Variants in SEMA3F observed in about 807,000 individuals in gnomAD.
The protein encoded by SEMA3F is semaphorin-3F.
In SEMA3F, 30 loss-of-function variants were observed where a neutral mutation model predicts 98.5. The observed-to-expected ratio is 0.30, with a 90% confidence interval of 0.23 to 0.41. The LOEUF (loss-of-function observed/expected upper bound fraction) is 0.41. Ranked by LOEUF, SEMA3F falls within the 10% of genes least tolerant of loss-of-function variation. The probability of loss-of-function intolerance (pLI) is 1.00; values close to 1 mark genes in which losing one functional copy is unlikely to be tolerated. For synonymous variants in SEMA3F, 380 were observed against 444.8 expected (o/e 0.85, Z 1.83); for missense variants, 866 against 1,119.3 (o/e 0.77, Z 3.23).
chr3:50,161,419 TG>T (rs1698202260), intron 2 of SEMA3F, among the ~76,000 whole-genome samples: 1 of 152,204 alleles, frequency 6.6e-6, no homozygotes, highest in South Asian at 2.1e-4. Flanking sequence ...GTCCTGGCCT[TG>T]CCGGCGCCCA....
rs372379422 is a variant in SEMA3F, at chr3:50,173,781, C to G, written c.113-12C>G. ...TGAAGGTCCTAATTGGTGCCCTGCC[C>G]TCCACCCACAGAGCTGAAGGCCACA... On this transcript the variant is annotated splice_polypyrimidine_tract_variant and intron_variant, in intron 2 of 18. Coordinates refer to ENST00000002829, the MANE Select transcript of SEMA3F (RefSeq NM_004186.5). The G allele has an allele frequency of 1.2e-6, 2 of 1,613,352 alleles. No homozygotes were observed. The highest frequency in any genetic ancestry group is 2.7e-5 in the African/African-American group (2 of 74,912).
Position 50,184,670 on chromosome 3 carries a change from C to T in SEMA3F, c.1312C>T (p.His438Tyr). The change falls in exon 13 of 19, where the codon CAC becomes TAC. Residue 438 changes from histidine (H) to tyrosine (Y), a missense_variant. This residue lies in a region of SEMA3F where 374 missense variants were observed against 582.8 expected (regional missense o/e 0.64). Transcript: ENST00000002829. The part of the protein sequence containing the change: ...PDEVINFMRS[H>Y]PLMYQAVYPL... ...TGAGGTGATCAACTTCATGCGCAGC[C>T]ACCCACTCATGTACCAGGCCGTGTA... is the stretch of plus-strand genomic sequence containing the variant. 6.2e-7 allele frequency: 1 copy of T among 1,614,156 alleles called. No individual in the cohort carries two copies. Among genetic ancestry groups the T allele is most frequent in the Non-Finnish European group, 8.5e-7 (1 of 1,179,988 alleles).
intron 2 of SEMA3F, among the ~76,000 whole-genome samples, chr3:50,163,674 C>T (rs1698299464): frequency 6.6e-6 from 1 of 152,144 alleles, no homozygotes; most frequent in Admixed American, 6.5e-5. Context: ...CATGCTCTTG[C>T]CCCCCAGGGG....
rs939351843 is a variant in SEMA3F, at chr3:50,174,344, C to T, written c.450C>T (p.Arg150=). Residue 150 remains arginine (R), a synonymous_variant, in exon 5 of 19, where the codon CGC becomes CGT. Transcript: ENST00000002829. ...PMCTYVNRGR[R]AQATPWTQTQ... is the part of the protein sequence containing the mutation. ...GCACCTATGTGAACCGCGGACGCCG[C>T]GCCCAGGTAAGCCCCAGCCACCCTG... 20 of 1,611,364 alleles carry T rather than the reference C, an allele frequency of 1.2e-5. No homozygotes were observed. Among genetic ancestry groups the T allele is most frequent in the African/African-American group, 2.7e-5 (2 of 74,922 alleles).
intron 6 of SEMA3F, among the ~76,000 whole-genome samples, chr3:50,176,320 C>T (rs1698806556): frequency 6.6e-6 from 1 of 152,180 alleles, no homozygotes; most frequent in Non-Finnish European, 1.5e-5. Flanking sequence ...GACAGGACCC[C>T]AGGCCCTTAA....
intron 6 of SEMA3F, 128 bp from the exon 7 acceptor site, chr3:50,176,640 T>C (rs552379683): frequency 2.8e-6 from 2 of 704,006 alleles, no homozygotes; most frequent in South Asian, 1.6e-5. Context: ...CAAGGAATGC[T>C]GGGGAGTGTA....
intron 17 of SEMA3F, 117 bp downstream of exon 17, chr3:50,186,465 G>A: frequency 7.2e-7 from 1 of 1,397,652 alleles, no homozygotes; most frequent in Non-Finnish European, 1.0e-6. Context: ...ATGGAGGGTG[G>A]GGGCTAATGG....
At chr3:50,168,307 G>A (rs1387567588) in intron 2 of SEMA3F, among the ~76,000 whole-genome samples, 1 of 152,118 alleles carries the variant, frequency 6.6e-6, no homozygotes, top group Admixed American at 6.5e-5. Flanking sequence ...GGGGGAAAAG[G>A]GGGAACTGGA....
In SEMA3F at chr3:50,188,138, T is replaced by C. The variant is rs973423438; in HGVS notation, c.*23T>C. 4 of 1,426,858 alleles carry C rather than the reference T, an allele frequency of 2.8e-6. No homozygotes were observed. In the African/African-American group the frequency reaches 5.8e-5, roughly 21 times the overall value. 88.4% of individuals were successfully genotyped at this position (1,426,858 alleles called of 1,614,324 possible). A position where few individuals can be genotyped will look rare whatever the true frequency, so the allele number is the denominator to read the frequency against. On this transcript the variant is annotated 3_prime_UTR_variant, in exon 19 of 19. Coordinates refer to ENST00000002829, the MANE Select transcript of SEMA3F (RefSeq NM_004186.5). The surrounding 1 kb of genome is among the most constrained non-coding windows in gnomAD (Gnocchi z 4.5). ...TGAGGCCAGCTGCCTGTGCCTGCCATGGGCCAGCCTAGCCCTTGTCCCTTT... is the reference window on the plus strand; with the variant it reads ...TGAGGCCAGCTGCCTGTGCCTGCCACGGGCCAGCCTAGCCCTTGTCCCTTT...
At chr3:50,186,079 A>T in intron 16 of SEMA3F, 33 bp downstream of exon 16, 4 of 1,583,470 alleles carry the variant, frequency 2.5e-6, no homozygotes, top group Non-Finnish European at 3.4e-6. Flanking sequence ...AATTTTAGCA[A>T]CCAGTCCCAG....
In SEMA3F at chr3:50,186,189, G is replaced by A. The variant is rs1208242726; in HGVS notation, c.1746-92G>A. 3 of 1,492,812 alleles carry A rather than the reference G, an allele frequency of 2.0e-6. No individual in the cohort carries two copies. The African/African-American group carries it at 4.2e-5, about 21-fold the overall frequency. The allele number at this position is 1,492,812 out of a possible 1,614,324, so 92.5% of individuals were successfully genotyped here. ...ATGGGTAAGACATCACTGCCCTGGG[G>A]AAAAAGGGCCCTGCCCTGGAGTCAG... is the stretch of plus-strand genomic sequence containing the variant. On this transcript the variant is annotated intron_variant, in intron 16 of 18. Transcript: ENST00000002829.
intron 1 of SEMA3F, among the ~76,000 whole-genome samples, chr3:50,157,944 G>A (rs553908015): frequency 2.4e-4 from 37 of 152,294 alleles, no homozygotes; most frequent in Admixed American, 9.8e-4. Flanking sequence ...GGCATCTTGC[G>A]CCAGGACAGT....
At chr3:50,161,501 A>G (rs372615890) in intron 2 of SEMA3F, among the ~76,000 whole-genome samples, 3 of 152,234 alleles carry the variant, frequency 2.0e-5, no homozygotes, top group Non-Finnish European at 2.9e-5. Flanking sequence ...AGCTGAGCTC[A>G]CTGGCAGCCA....
chr3:50,176,918 A>T, intron 7 of SEMA3F, 57 bp downstream of exon 7: 1 of 1,365,792 alleles, frequency 7.3e-7, no homozygotes, highest in Non-Finnish European at 1.0e-6. Context: ...GCCCCTGGAG[A>T]TGGGGCATGG....
In SEMA3F at chr3:50,182,244, A is replaced by G. The variant is rs1353168185; in HGVS notation, c.644-40A>G. 1 of 1,613,718 alleles carries G rather than the reference A, an allele frequency of 6.2e-7. No individual in the cohort carries two copies. Among genetic ancestry groups the G allele is most frequent in the African/African-American group, 1.3e-5 (1 of 74,928 alleles). On this transcript the variant is annotated intron_variant, in intron 7 of 18. Transcript: ENST00000002829. This position sits in a 1 kb window ranked among gnomAD's most constrained non-coding sequence, Gnocchi z 4.5. ...ATCTGAGCTGTGCCCTGGCCCTAGC[A>G]AACAGCAGCCCCCCAACTGACCCAC...
intron 6 of SEMA3F, 81 bp from the exon 7 acceptor site, chr3:50,176,687 C>A: frequency 9.7e-7 from 1 of 1,027,948 alleles, no homozygotes; most frequent in Non-Finnish European, 1.5e-6. Context: ...GGCTCATTCT[C>A]ACCCTGGGAG....
rs774535424 is a variant in SEMA3F, at chr3:50,183,450, C to A, written c.1119C>A (p.Val373=). ...TGTTCCGAGGCTCTGCCGTGTGTGT[C>A]TACTCCATGGCTGATATTCGCATGG... ...GSVFRGSAVC[V]YSMADIRMVF... The change falls in exon 12 of 19, where the codon GTC becomes GTA. Residue 373 remains valine (V), a synonymous_variant. Transcript: ENST00000002829. 1 of 1,614,032 alleles carries A rather than the reference C, an allele frequency of 6.2e-7. No homozygotes were observed. The highest frequency in any genetic ancestry group is 8.5e-7 in the Non-Finnish European group (1 of 1,180,034).
rs1698100749 is a variant in SEMA3F, at chr3:50,159,000, A to T, written c.-48-575A>T. On this transcript the variant is annotated intron_variant, in intron 1 of 18. Coordinates refer to ENST00000002829, the MANE Select transcript of SEMA3F (RefSeq NM_004186.5). The surrounding 1 kb of genome is among the most constrained non-coding windows in gnomAD (Gnocchi z 4.8). The stretch of plus-strand genomic sequence containing the variant: ...GATTTTAGTACAAGTGGACTCTGCC[A>T]TTCTCTGCCTTTCCTTTTCTGACTG... 1 of 152,556 alleles carries T rather than the reference A, an allele frequency of 6.6e-6. No homozygotes were observed. Among genetic ancestry groups the T allele is most frequent in the South Asian group, 2.1e-4 (1 of 4,838 alleles). 9.5% of individuals were successfully genotyped at this position (152,556 alleles called of 1,614,324 possible).
intron 2 of SEMA3F, among the ~76,000 whole-genome samples, chr3:50,161,636 G>A (rs989635545): frequency 4.6e-5 from 7 of 152,196 alleles, no homozygotes; most frequent in Admixed American, 4.6e-4. Context: ...TCCCTGTTCC[G>A]ACCTGGTCTC....
Sources: gnomAD v4.1 joint callset for allele counts (sites outside exome capture counted in the v4.1 genomes callset) on GRCh38, gnomAD v4.1.1 for gene constraint, gnomAD v4.1.1 regional missense constraint, Gnocchi (gnomAD v3.1) non-coding constraint, MANE v1.5 for transcripts, NCBI Gene and HGNC (gene_info 2026-07-23, HGNC 2026-07-21) for gene names.